Variants in EVPLL observed in about 807,000 individuals in gnomAD.
EVPLL encodes envoplakin like.
EVPLL carries 39 observed loss-of-function variants against 46.2 expected under a neutral mutation model. That is an observed-to-expected ratio of 0.84 (90% CI 0.65 to 1.10). EVPLL has a LOEUF of 1.10. EVPLL is among the 50% of genes least tolerant of loss of function. EVPLL has a pLI of 0.00. For missense variants in EVPLL, 385 were observed against 412.6 expected, an observed-to-expected ratio of 0.93 and a Z score of 0.58; for synonymous variants, 156 against 165.8, an observed-to-expected ratio of 0.94 and a Z score of 0.46.
At chr17:18,378,083 A>G in intron 1 of EVPLL, 100 bp downstream of exon 1, 1 of 400,422 alleles carries the variant, frequency 2.5e-6, no homozygotes, top group Non-Finnish European at 4.4e-6. Context: ...GCCCAGGACC[A>G]GCCCCGTGCT....
At position 18,382,529 on chromosome 17, in the gene EVPLL, G is replaced by A; in HGVS notation, c.363G>A (p.Arg121=). The A allele has an allele frequency of 6.4e-7, 1 of 1,551,788 alleles. No homozygotes were observed. The highest frequency in any genetic ancestry group is 1.4e-5 in the African/African-American group (1 of 73,180). Residue 121 remains arginine, a synonymous_variant, in exon 5 of 11, where the codon AGG becomes AGA. Coordinates refer to ENST00000399134, the MANE Select transcript of EVPLL (RefSeq NM_001145127.2). ...CTCCTGCAGAAGCTGGTCTGCGCAG[G>A]CCAGTATGGGCCGGGCATGGCGGAG... ...AGAETEAGLR[R]PVWAGHGGAG...
chr17:18,385,655 G>A, intron 9 of EVPLL, among the ~76,000 whole-genome samples: 1 of 151,010 alleles, frequency 6.6e-6, no homozygotes, highest in East Asian at 1.9e-4. Flanking sequence ...GCAAGGAAAG[G>A]GCAGCTCCTG....
chr17:18,381,344 G>A lies in EVPLL; in HGVS notation c.64-23G>A, dbSNP rs1987562984. 1 of 1,532,206 alleles carries A rather than the reference G, an allele frequency of 6.5e-7. No individual in the cohort carries two copies. Among genetic ancestry groups the A allele is most frequent in the Non-Finnish European group, 8.8e-7 (1 of 1,135,362 alleles). The allele number at this position is 1,532,206 out of a possible 1,614,324, so 94.9% of individuals were successfully genotyped here. On this transcript the variant is annotated intron_variant, in intron 2 of 10. Coordinates refer to ENST00000399134, the MANE Select transcript of EVPLL (RefSeq NM_001145127.2). The surrounding 1 kb of genome is among the most constrained non-coding windows in gnomAD (Gnocchi z 4.2). The stretch of plus-strand genomic sequence containing the variant: ...GTGTGGGGGCTCTGGACCCTGGCAA[G>A]TCTGCCCATCCCCTGCCCACAGGAC...
At chr17:18,379,630 C>T (rs1248823114) in intron 1 of EVPLL, among the ~76,000 whole-genome samples, 1 of 152,218 alleles carries the variant, frequency 6.6e-6, no homozygotes, top group Non-Finnish European at 1.5e-5. Context: ...TCTGGATCAC[C>T]TCACGTGCGA....
rs1414951688 is a variant in EVPLL at position 18,382,825 on chromosome 17, G to C, written c.473-1G>C. On this transcript the variant is annotated splice_acceptor_variant, in intron 5 of 10. Transcript: ENST00000399134. LOFTEE classifies it high-confidence loss of function. ...CTTGTTTCTCCCCTTGGTCAAGGCAGGATGCCGCCACCATCCGGAGCCAAT... is the reference window on the plus strand; with the variant it reads ...CTTGTTTCTCCCCTTGGTCAAGGCACGATGCCGCCACCATCCGGAGCCAAT... The C allele has an allele frequency of 5.6e-6, 9 of 1,613,170 alleles. No individual in the cohort carries two copies. Among genetic ancestry groups the C allele is most frequent in the African/African-American group, 1.3e-5 (1 of 74,934 alleles).
Position 18,382,516 on chromosome 17 carries a change from C to G in EVPLL, c.350C>G (p.Ala117Gly). The G allele has an allele frequency of 1.9e-6, 3 of 1,551,666 alleles. No homozygotes were observed. Among genetic ancestry groups the G allele is most frequent in the Non-Finnish European group, 1.7e-6 (2 of 1,146,956 alleles). Residue 117 changes from alanine (A) to glycine (G), a missense_variant, in exon 5 of 11, where the codon GCT (alanine) becomes GGT (glycine). Ala to Gly is a moderately conservative substitution (Grantham distance 60, BLOSUM62 0). Coordinates refer to ENST00000399134, the MANE Select transcript of EVPLL (RefSeq NM_001145127.2). ...TGAGCCGCCGGCTCTCCTGCAGAAG[C>G]TGGTCTGCGCAGGCCAGTATGGGCC... ...LGTRAGAETE[A>G]GLRRPVWAGH...
In EVPLL at chr17:18,381,634, G is replaced by T; in HGVS notation, c.250G>T (p.Glu84Ter). ...GCAGCTGCACGAGCGGGTGACCCAG[G>T]AGTGTGCGGAGTACTGTGCCCTGTA... Reference protein sequence around the residue: ...IEQLHERVTQECAEYCALYEK... With the variant: ...IEQLHERVTQ Residue 84 changes from glutamate (E) to a stop codon, truncating the protein, a stop_gained, in exon 4 of 11, where the codon GAG (glutamate) becomes TAG (stop). Coordinates refer to ENST00000399134, the MANE Select transcript of EVPLL (RefSeq NM_001145127.2). LOFTEE classifies it high-confidence loss of function. The surrounding 1 kb of genome is among the most constrained non-coding windows in gnomAD (Gnocchi z 4.2). 1 of 1,614,196 alleles carries T rather than the reference G, an allele frequency of 6.2e-7. No individual in the cohort carries two copies.
Position 18,377,978 on chromosome 17 carries a change from C to T in EVPLL, c.-42C>T, listed in dbSNP as rs1321722454. The T allele has an allele frequency of 1.1e-6, 1 of 932,674 alleles. No homozygotes were observed. The highest frequency in any genetic ancestry group is 1.5e-6 in the Non-Finnish European group (1 of 655,048). The allele number at this position is 932,674 out of a possible 1,614,324, so 57.8% of individuals were successfully genotyped here. On this transcript the variant is annotated 5_prime_UTR_variant, in exon 1 of 11. Transcript: ENST00000399134. ...CCCCCAAAGGCTCCCCCAGCAAGCACAGCTGGTGAGTGGGACTAGGGGATG... is the reference window on the plus strand; with the variant it reads ...CCCCCAAAGGCTCCCCCAGCAAGCATAGCTGGTGAGTGGGACTAGGGGATG...
intron 1 of EVPLL, among the ~76,000 whole-genome samples, chr17:18,378,447 G>T (rs779557206): frequency 6.6e-6 from 1 of 152,106 alleles, no homozygotes; most frequent in African/African-American, 2.4e-5. Context: ...GGATGCAGGG[G>T]CTGTGCTGCC....
chr17:18,384,695 G>T (rs1036398178), intron 9 of EVPLL, among the ~76,000 whole-genome samples: 24 of 152,362 alleles, frequency 1.6e-4, no homozygotes, highest in African/African-American at 5.0e-4. Context: ...TCACTCCACT[G>T]CACTCTAGCC....
At chr17:18,382,959 A>G (rs1233846665) in intron 6 of EVPLL, 66 bp from the exon 7 acceptor site, 15 of 1,574,650 alleles carry the variant, frequency 9.5e-6, no homozygotes, top group East Asian at 9.1e-5. Context: ...GCGCCGCCCA[A>G]TGGCGCCTTT....
At chr17:18,385,136 T>A (rs1448333350) in intron 9 of EVPLL, among the ~76,000 whole-genome samples, 2 of 150,094 alleles carry the variant, frequency 1.3e-5, no homozygotes, top group East Asian at 3.9e-4. Flanking sequence ...TAGGTCACCA[T>A]CACCTAACTG....
chr17:18,380,727 AC>A, intron 1 of EVPLL, 174 bp from the exon 2 acceptor site: 1 of 602,362 alleles, frequency 1.7e-6, no homozygotes, highest in South Asian at 2.0e-5. Context: ...CAGTGCTAAC[AC>A]CCCCAACCAG....
Position 18,381,514 on chromosome 17 carries a change from G to A in EVPLL, c.211G>A (p.Glu71Lys). 1 of 1,613,864 alleles carries A rather than the reference G, an allele frequency of 6.2e-7. No homozygotes were observed. The highest frequency in any genetic ancestry group is 8.5e-7 in the Non-Finnish European group (1 of 1,179,892). The change falls in exon 3 of 11, where the codon GAG becomes AAG. Residue 71 changes from glutamate (E) to lysine (K), a missense_variant. Glu to Lys is a moderately conservative substitution (Grantham distance 56). Transcript: ENST00000399134. The surrounding 1 kb of genome is among the most constrained non-coding windows in gnomAD (Gnocchi z 4.2). ...CAAGCACCCGCAGGCTGAGGAGACT[G>A]AGAAGGAGTGAGTGGGGCTGCGGCA... ...RLKHPQAEET[E>K]KDIEQLHERV...
intron 9 of EVPLL, among the ~76,000 whole-genome samples, chr17:18,384,865 C>T (rs374545342): frequency 3.3e-5 from 5 of 152,142 alleles, no homozygotes; most frequent in East Asian, 3.9e-4. Flanking sequence ...GGTGGTGCTC[C>T]TCCCACTCAC....
intron 1 of EVPLL, among the ~76,000 whole-genome samples, chr17:18,379,499 A>G (rs1030560350): frequency 2.0e-5 from 3 of 152,194 alleles, no homozygotes; most frequent in African/African-American, 7.2e-5. Context: ...CAGCCATCCC[A>G]GGAGGCGGGA....
rs888099669 is a variant in EVPLL at position 18,377,790 on chromosome 17, T to G, written c.-230T>G. 3.5e-6 allele frequency: 2 copies of G among 571,696 alleles called. No individual in the cohort carries two copies. Among genetic ancestry groups the G allele is most frequent in the African/African-American group, 4.1e-5 (2 of 49,338 alleles). The allele number at this position is 571,696 out of a possible 1,614,324, so 35.4% of individuals were successfully genotyped here. On this transcript the variant is annotated 5_prime_UTR_variant, in exon 1 of 11. Coordinates refer to ENST00000399134, the MANE Select transcript of EVPLL (RefSeq NM_001145127.2). ...GCCGCCCCACCTTGCCAGACTTAGCTGACCAGCCAGCAAGGACGCCCGCTG... is the reference window on the plus strand; with the variant it reads ...GCCGCCCCACCTTGCCAGACTTAGCGGACCAGCCAGCAAGGACGCCCGCTG...
At chr17:18,380,829 G>A (rs1158147156) in intron 1 of EVPLL, 73 bp from the exon 2 acceptor site, 2 of 1,307,044 alleles carry the variant, frequency 1.5e-6, no homozygotes, top group Non-Finnish European at 2.1e-6. Context: ...AGAGAGGGCA[G>A]GGGACGCCAC....
At chr17:18,383,428 G>T in intron 8 of EVPLL, 50 bp downstream of exon 8, 2 of 1,483,812 alleles carry the variant, frequency 1.3e-6, no homozygotes, top group Non-Finnish European at 1.8e-6. Flanking sequence ...GGGCGGGGAA[G>T]GGGGGGGTGG....
Sources: gnomAD v4.1 joint callset for allele counts (sites outside exome capture counted in the v4.1 genomes callset) on GRCh38, gnomAD v4.1.1 for gene constraint, Gnocchi (gnomAD v3.1) non-coding constraint, MANE v1.5 for transcripts, NCBI Gene and HGNC (gene_info 2026-07-23, HGNC 2026-07-21) for gene names.